Variants in PRKCE observed in about 807,000 individuals in gnomAD.
PRKCE encodes the protein protein kinase C epsilon type.
PRKCE carries 16 observed loss-of-function variants against 85.4 expected under a neutral mutation model. That is an observed-to-expected ratio of 0.19 (90% CI 0.13 to 0.28). The LOEUF is 0.28. PRKCE is among the 10% of genes least tolerant of loss of function. PRKCE has a pLI of 1.00. For synonymous variants in PRKCE, 388 were observed against 371.5 expected (o/e 1.04, Z -0.51); for missense variants, 573 against 975.2 (o/e 0.59, Z 5.49).
chr2:45,891,990 T>C (rs1032327410), intron 2 of PRKCE, among the ~76,000 whole-genome samples: 2 of 152,172 alleles, frequency 1.3e-5, no homozygotes, highest in Non-Finnish European at 1.5e-5. Flanking sequence ...AAATCTAATA[T>C]CTTCCTGTTG....
At chr2:45,690,644 G>T (rs1458205497) in intron 1 of PRKCE, among the ~76,000 whole-genome samples, 1 of 152,238 alleles carries the variant, frequency 6.6e-6, no homozygotes, top group African/African-American at 2.4e-5. Context: ...GTCATTTGGG[G>T]TTACAGATGA....
At chr2:45,928,363 G>C (rs996399558) in intron 2 of PRKCE, among the ~76,000 whole-genome samples, 2 of 152,242 alleles carry the variant, frequency 1.3e-5, no homozygotes, top group African/African-American at 2.4e-5. Context: ...CGCCTCGCGG[G>C]TTGAAGCAAT....
chr2:46,006,156 C>T (rs145275242), intron 8 of PRKCE, among the ~76,000 whole-genome samples: 90 of 152,284 alleles, frequency 5.9e-4, no homozygotes, highest in African/African-American at 2.0e-3. Context: ...TCCCTCTGAG[C>T]GACATTATTA....
intron 1 of PRKCE, among the ~76,000 whole-genome samples, chr2:45,653,189 C>T (rs1675208168): frequency 1.3e-5 from 2 of 152,114 alleles, no homozygotes; most frequent in African/African-American, 4.8e-5. Context: ...AGATACTGTG[C>T]AATAAAAGAC....
chr2:45,748,318 C>T (rs561987750), intron 1 of PRKCE, among the ~76,000 whole-genome samples: 59 of 152,332 alleles, frequency 3.9e-4, no homozygotes, highest in African/African-American at 1.3e-3. Context: ...TAAGCATTCC[C>T]CAGTCTAGTA....
intron 11 of PRKCE, among the ~76,000 whole-genome samples, chr2:46,110,630 T>G (rs192297267): frequency 7.2e-5 from 11 of 152,162 alleles, no homozygotes; most frequent in Admixed American, 7.2e-4. Flanking sequence ...TAGTCTTTTT[T>G]TTTTTAAAGC....
intron 1 of PRKCE, among the ~76,000 whole-genome samples, chr2:45,771,280 C>T (rs961660753): frequency 7.2e-5 from 11 of 152,174 alleles, no homozygotes; most frequent in African/African-American, 1.9e-4. Context: ...TGAAAAGGAG[C>T]GAGCAGCATC....
intron 1 of PRKCE, among the ~76,000 whole-genome samples, chr2:45,679,635 G>A (rs1676733736): frequency 6.6e-6 from 1 of 152,154 alleles, no homozygotes; most frequent in African/African-American, 2.4e-5. Flanking sequence ...ATGATGGGGT[G>A]GATCGGGATA....
intron 1 of PRKCE, among the ~76,000 whole-genome samples, chr2:45,688,450 T>C (rs982978689): frequency 2.6e-5 from 4 of 152,210 alleles, no homozygotes; most frequent in African/African-American, 9.6e-5. Context: ...TCTTCTTTTT[T>C]TCCCCCTTAA....
intron 14 of PRKCE, chr2:46,160,006 A>G: frequency 4.6e-6 from 2 of 436,668 alleles, no homozygotes; most frequent in Non-Finnish European, 4.0e-6. Context: ...TTGTCTTTAC[A>G]GAGATTCAAT....
At chr2:45,739,332 G>A (rs1371287671) in intron 1 of PRKCE, among the ~76,000 whole-genome samples, 1 of 152,296 alleles carries the variant, frequency 6.6e-6, no homozygotes, top group South Asian at 2.1e-4. Context: ...GAAGACTGAA[G>A]TGCCTGTCTT....
At chr2:45,674,601 G>A (rs1462038364) in intron 1 of PRKCE, 1 of 152,222 alleles carries the variant, frequency 6.6e-6, no homozygotes, top group East Asian at 1.9e-4. Context: ...CCCACTCTGT[G>A]AGGGATTAGT....
At chr2:46,132,804 T>C (rs1319003729) in intron 11 of PRKCE, among the ~76,000 whole-genome samples, 1 of 152,250 alleles carries the variant, frequency 6.6e-6, no homozygotes, top group Non-Finnish European at 1.5e-5. Flanking sequence ...AATGTAAGAC[T>C]TCTTTTTTAA....
chr2:46,018,319 A>G (rs1459188546), intron 10 of PRKCE, among the ~76,000 whole-genome samples: 1 of 152,096 alleles, frequency 6.6e-6, no homozygotes, highest in Admixed American at 6.5e-5. Flanking sequence ...CTGCTGAGGA[A>G]CACAGGTGTG....
chr2:46,062,343 G>A (rs1256176785), intron 10 of PRKCE, among the ~76,000 whole-genome samples: 1 of 152,172 alleles, frequency 6.6e-6, no homozygotes, highest in Admixed American at 6.5e-5. Flanking sequence ...TCTGGTGACA[G>A]GTCATCCCTG....
At chr2:46,120,956 A>G (rs968917747) in intron 11 of PRKCE, among the ~76,000 whole-genome samples, 1 of 152,174 alleles carries the variant, frequency 6.6e-6, no homozygotes, top group Non-Finnish European at 1.5e-5. Context: ...TTCACCATGA[A>G]TCTGTGGCAC....
intron 1 of PRKCE, among the ~76,000 whole-genome samples, chr2:45,780,772 A>G (rs776942430): frequency 5.3e-5 from 8 of 152,206 alleles, no homozygotes; most frequent in Non-Finnish European, 1.0e-4. Flanking sequence ...AGTGGAAGTC[A>G]TAGCTTCCTC....
chr2:45,986,100 AAG>A (rs1703302482), intron 6 of PRKCE, among the ~76,000 whole-genome samples: 1 of 152,274 alleles, frequency 6.6e-6, no homozygotes. Context: ...AAAAGTAGCA[AAG>A]AATGGCACCA....
chr2:45,972,062 C>A (rs1467835093), intron 2 of PRKCE, among the ~76,000 whole-genome samples: 1 of 152,168 alleles, frequency 6.6e-6, no homozygotes, highest in East Asian at 1.9e-4. Flanking sequence ...AGTGGCTGTA[C>A]AATTTTACAT....
Sources: gnomAD v4.1 joint callset for allele counts (sites outside exome capture counted in the v4.1 genomes callset) on GRCh38, gnomAD v4.1.1 for gene constraint, MANE v1.5 for transcripts, NCBI Gene and HGNC (gene_info 2026-07-23, HGNC 2026-07-21) for gene names.